CNTN5: variants seen among roughly 807,000 people sequenced by gnomAD.
CNTN5 encodes the protein contactin 5.
Under a neutral mutation model 129.1 loss-of-function variants are expected in CNTN5, and 77 were observed. The ratio of observed to expected loss-of-function variants is 0.60; its 90% CI spans 0.50 to 0.72. CNTN5 has a LOEUF of 0.72. CNTN5 is among the 30% of genes least tolerant of loss of function. The pLI, the probability that CNTN5 is intolerant of heterozygous loss-of-function variation, is 0.00. For synonymous variants in CNTN5, 509 were observed against 465.6 expected (o/e 1.09, Z -1.20); for missense variants, 1,478 against 1,328.8 (o/e 1.11, Z -1.75).
intron 8 of CNTN5, among the ~76,000 whole-genome samples, chr11:99,963,874 A>G (rs4353243): frequency 0.82 from 124,475 of 151,814 alleles, 51,192 homozygotes; most frequent in South Asian, 0.9. Context: ...GGTCCTTCAC[A>G]TCCCTTGTAA....
At chr11:99,378,069 A>G (rs7122061) in intron 2 of CNTN5, among the ~76,000 whole-genome samples, 1 of 152,260 alleles carries the variant, frequency 6.6e-6, no homozygotes, top group Admixed American at 6.5e-5. Flanking sequence ...TTTTGGATAC[A>G]AATCTAAGAA....
In CNTN5 at chr11:100,203,656, CA is replaced by C. The variant is rs1948838160; in HGVS notation, c.1884+9996del. On this transcript the variant is annotated intron_variant, in intron 15 of 24. Transcript: ENST00000524871. ...GATTCCTTTTCTCCATTCCTGGAGTCAAAGTCCTATTCCCAGCACTTATTTC... is the reference window on the plus strand; with the variant it reads ...GATTCCTTTTCTCCATTCCTGGAGTCAAGTCCTATTCCCAGCACTTATTTC... Among the ~76,000 whole-genome samples, 3 of 151,952 alleles carry C rather than the reference CA, an allele frequency of 2.0e-5. No homozygotes were observed. In the South Asian group the frequency reaches 6.2e-4, roughly 31 times the overall value.
rs551603951 is a variant in CNTN5 at position 99,537,662 on chromosome 11, T to A, written c.-70-18483T>A. Among the ~76,000 whole-genome samples, 228 of 152,322 alleles carry A rather than the reference T, an allele frequency of 1.5e-3. 2 individuals are homozygous for A. Among genetic ancestry groups the A allele is most frequent in the African/African-American group, 5.1e-3 (210 of 41,580 alleles). On this transcript the variant is annotated intron_variant, in intron 2 of 24. Transcript: ENST00000524871. ...CACAAAAACTTCAATTAATGGGTTA[T>A]GGCCTACAGAGCTCATGTTGTCTGT...
intron 3 of CNTN5, among the ~76,000 whole-genome samples, chr11:99,683,196 A>G (rs1043546092): frequency 2.6e-5 from 4 of 151,776 alleles, no homozygotes; most frequent in African/African-American, 4.8e-5. Flanking sequence ...GTACTTCTCT[A>G]TCATGTTTCA....
rs553430351 is a variant in CNTN5, at chr11:100,185,796, G to A, written c.1581-5330G>A. ...CACATGTGCACTGAGGAAAGGCCAC[G>A]TGAGCACACGGTGAGAAGGCAGCAA... On this transcript the variant is annotated intron_variant, in intron 13 of 24. Transcript: ENST00000524871. Among the ~76,000 whole-genome samples the A allele has an allele frequency of 6.0e-4, 92 of 152,274 alleles. 1 individual carries two copies. Among genetic ancestry groups the A allele is most frequent in the African/African-American group, 2.0e-3 (84 of 41,576 alleles).
intron 3 of CNTN5, among the ~76,000 whole-genome samples, chr11:99,663,231 G>A (rs1952660852): frequency 6.6e-6 from 1 of 152,210 alleles, no homozygotes; most frequent in East Asian, 1.9e-4. Flanking sequence ...CACTTTGGGA[G>A]GCCGAGGGCT....
intron 1 of CNTN5, among the ~76,000 whole-genome samples, chr11:99,126,668 C>T (rs1858650658): frequency 6.6e-6 from 1 of 152,134 alleles, no homozygotes; most frequent in Non-Finnish European, 1.5e-5. Context: ...AACTGTAGCA[C>T]CCAGGATGCA....
At chr11:99,385,398 C>T (rs1389847304) in intron 2 of CNTN5, among the ~76,000 whole-genome samples, 1 of 151,926 alleles carries the variant, frequency 6.6e-6, no homozygotes, top group Non-Finnish European at 1.5e-5. Context: ...ATTGAAATCA[C>T]CAATCCAGCT....
chr11:100,131,564 G>A (rs577642197), intron 13 of CNTN5, among the ~76,000 whole-genome samples: 5 of 151,922 alleles, frequency 3.3e-5, no homozygotes, highest in South Asian at 2.1e-4. Flanking sequence ...GGTAATGGTC[G>A]AAACAAAGCA....
chr11:99,090,259 T>A (rs1866185167), intron 1 of CNTN5, among the ~76,000 whole-genome samples: 1 of 152,152 alleles, frequency 6.6e-6, no homozygotes, highest in African/African-American at 2.4e-5. Context: ...TTCTTTTAAA[T>A]GGGATGTCTT....
At chr11:100,286,844 G>A (rs984253771) in intron 18 of CNTN5, among the ~76,000 whole-genome samples, 6 of 151,052 alleles carry the variant, frequency 4.0e-5, no homozygotes, top group Non-Finnish European at 8.8e-5. Flanking sequence ...AGGCAAGGAA[G>A]TTGAAAACTT....
At chr11:100,337,123 G>A in intron 21 of CNTN5, 1 of 1,414,172 alleles carries the variant, frequency 7.1e-7, no homozygotes. Flanking sequence ...AACCAACATT[G>A]TTTACAAAAT....
At position 99,849,928 on chromosome 11, in the gene CNTN5, C is replaced by T. The variant is rs1357298591; in HGVS notation, c.577+4666C>T. The stretch of plus-strand genomic sequence containing the variant: ...TGACTTCAGAAGTTCTTTTTCTAAA[C>T]TTTAATTAAATTGGAATCTTTTTAA... On this transcript the variant is annotated intron_variant, in intron 6 of 24. Coordinates refer to ENST00000524871, the MANE Select transcript of CNTN5 (RefSeq NM_014361.4). Among the ~76,000 whole-genome samples, 3 of 152,012 alleles carry T rather than the reference C, an allele frequency of 2.0e-5. No homozygotes were observed. In the East Asian group the frequency reaches 5.8e-4, roughly 29 times the overall value.
chr11:100,121,977 C>T (rs985598558), intron 13 of CNTN5, among the ~76,000 whole-genome samples: 1 of 151,670 alleles, frequency 6.6e-6, no homozygotes, highest in Non-Finnish European at 1.5e-5. Context: ...CAGATGTATA[C>T]GGGTAGAGAG....
intron 1 of CNTN5, among the ~76,000 whole-genome samples, chr11:99,303,204 G>A (rs192311486): frequency 3.1e-4 from 47 of 151,624 alleles, no homozygotes; most frequent in Non-Finnish European, 6.2e-4. Flanking sequence ...GATGCTTATC[G>A]ATTTTAGAAG....
chr11:99,679,579 G>A (rs949012916), intron 3 of CNTN5, among the ~76,000 whole-genome samples: 2 of 152,150 alleles, frequency 1.3e-5, no homozygotes, highest in African/African-American at 4.8e-5. Context: ...CACTGCATGT[G>A]TTCTGACTGC....
intron 2 of CNTN5, among the ~76,000 whole-genome samples, chr11:99,441,020 A>G (rs1943807166): frequency 1.2e-4 from 19 of 152,076 alleles, no homozygotes; most frequent in Admixed American, 1.2e-3. Flanking sequence ...GGGTCTTGCT[A>G]TGTTGTCCAG....
intron 1 of CNTN5, among the ~76,000 whole-genome samples, chr11:99,269,907 T>C (rs1863095418): frequency 6.6e-6 from 1 of 151,696 alleles, no homozygotes; most frequent in African/African-American, 2.4e-5. Flanking sequence ...TTGGTAGTTG[T>C]TATGCTTTTC....
chr11:100,074,806 G>A (rs777990888), intron 13 of CNTN5, among the ~76,000 whole-genome samples: 1 of 152,118 alleles, frequency 6.6e-6, no homozygotes, highest in Non-Finnish European at 1.5e-5. Context: ...TGAGAAGTGA[G>A]CAGAGGAATA....
Sources: allele counts gnomAD v4.1 joint callset (sites outside exome capture counted in the v4.1 genomes callset), GRCh38; gene constraint gnomAD v4.1.1; transcripts MANE v1.5; gene names NCBI Gene and HGNC (gene_info 2026-07-23, HGNC 2026-07-21).